The following LRIG1 variants were observed in gnomAD, a reference collection of about 807,000 sequenced individuals.
The protein encoded by LRIG1 is leucine-rich repeats and immunoglobulin-like domains protein 1.
A neutral mutation model predicts 99.2 loss-of-function variants in LRIG1; 48 were observed. The ratio of observed to expected loss-of-function variants is 0.48; its 90% CI spans 0.38 to 0.62. The LOEUF (loss-of-function observed/expected upper bound fraction) is 0.62, where lower values mean the gene tolerates loss of function less well. Among genes scored for constraint, LRIG1 ranks in the 20% least tolerant of loss-of-function variants. LRIG1 has a pLI of 0.00. For missense variants in LRIG1, 1,646 were observed against 1,434.4 expected, an observed-to-expected ratio of 1.15 and a Z score of -2.38; for synonymous variants, 772 against 596.1, an observed-to-expected ratio of 1.29 and a Z score of -4.30.
At chr3:66,381,119 G>C (rs1701032104) in intron 17 of LRIG1, among the ~76,000 whole-genome samples, 1 of 152,208 alleles carries the variant, frequency 6.6e-6, no homozygotes, top group African/African-American at 2.4e-5. Flanking sequence ...CGGGGGAAAA[G>C]CCATTAGCCT....
chr3:66,498,029 G>A (rs1438886566), intron 1 of LRIG1: 1 of 152,142 alleles, frequency 6.6e-6, no homozygotes, highest in Non-Finnish European at 1.5e-5. Flanking sequence ...GAAGTCTGAA[G>A]TCTAGAAAAA....
chr3:66,384,039 G>C lies in LRIG1; in HGVS notation c.2023C>G (p.Gln675Glu). 1 of 1,614,034 alleles carries C rather than the reference G, an allele frequency of 6.2e-7. No individual in the cohort carries two copies. The highest frequency in any genetic ancestry group is 8.5e-7 in the Non-Finnish European group (1 of 1,180,004). ...DDAGVYSCTA[Q>E]NSAGSISANA... ...GCTGAAATAGAACCGGCTGAGTTCTGAGCAGTACAGCTGTAAACCCCTGCG... is the reference window on the plus strand; with the variant it reads ...GCTGAAATAGAACCGGCTGAGTTCTCAGCAGTACAGCTGTAAACCCCTGCG... The change falls in exon 14 of 19, where the codon CAG (glutamine) becomes GAG (glutamate). Residue 675 changes from glutamine to glutamate, a missense_variant. By Grantham distance (29) the Gln-to-Glu change is conservative. Coordinates refer to ENST00000273261, the MANE Select transcript of LRIG1 (RefSeq NM_015541.3).
intron 1 of LRIG1, among the ~76,000 whole-genome samples, chr3:66,471,771 G>C (rs1405563906): frequency 6.6e-6 from 1 of 152,140 alleles, no homozygotes; most frequent in Non-Finnish European, 1.5e-5. Flanking sequence ...CTGAGAAAAA[G>C]GACACATTAA....
rs144948660 is a variant in LRIG1, at chr3:66,427,127, A to T, written c.366-9861T>A. Among the ~76,000 whole-genome samples the T allele has an allele frequency of 2.0e-5, 3 of 152,352 alleles. No individual in the cohort carries two copies. The East Asian group carries it at 5.8e-4, about 29-fold the overall frequency. ...ATTACCCCAACAAAGTGATCCTGGC[A>T]GACAGGTTTCATCAAACTCCACACC... is the stretch of plus-strand genomic sequence containing the variant. On this transcript the variant is annotated intron_variant, in intron 3 of 18. Transcript: ENST00000273261.
intron 2 of LRIG1, among the ~76,000 whole-genome samples, chr3:66,456,368 G>T (rs980219624): frequency 3.9e-5 from 6 of 152,114 alleles, no homozygotes; most frequent in African/African-American, 1.2e-4. Flanking sequence ...GATCATTTAA[G>T]CCCAGTAGTT....
chr3:66,480,895 TAGATTA>T (rs1423462476), intron 1 of LRIG1, among the ~76,000 whole-genome samples: 5 of 152,158 alleles, frequency 3.3e-5, no homozygotes, highest in East Asian at 1.9e-4. Context: ...ATAAATCAGT[TAGATTA>T]AGATTAAGAT....
At chr3:66,410,021 C>G (rs1702412429) in intron 7 of LRIG1, 108 bp downstream of exon 7, 6 of 1,234,578 alleles carry the variant, frequency 4.9e-6, no homozygotes, top group Non-Finnish European at 5.6e-6. Context: ...TGGCCTGTCT[C>G]TGAGCCCTCC....
rs1701243112 is a variant in LRIG1, at chr3:66,384,023, G to A, written c.2039C>T (p.Ser680Phe). The A allele has an allele frequency of 6.2e-7, 1 of 1,613,832 alleles. No homozygotes were observed. The highest frequency in any genetic ancestry group is 2.2e-5 in the East Asian group (1 of 44,872). The change falls in exon 14 of 19, where the codon TCT becomes TTT. Residue 680 changes from serine to phenylalanine, a missense_variant. Ser to Phe is a radical substitution (Grantham distance 155). Coordinates refer to ENST00000273261, the MANE Select transcript of LRIG1 (RefSeq NM_015541.3). ...AGTCAGGGTGGCATTAGCTGAAATA[G>A]AACCGGCTGAGTTCTGAGCAGTACA... Reference protein sequence around the residue: ...YSCTAQNSAGSISANATLTVL... With the variant: ...YSCTAQNSAGFISANATLTVL...
rs896963986 is a variant in LRIG1, at chr3:66,462,371, A to C, written c.290+67T>G. 12 of 1,179,060 alleles carry C rather than the reference A, an allele frequency of 1.0e-5. No individual in the cohort carries two copies. In the South Asian group the frequency reaches 1.1e-4, roughly 11 times the overall value. The allele number at this position is 1,179,060 out of a possible 1,614,324, so 73.0% of individuals were successfully genotyped here. A position where few individuals can be genotyped will look rare whatever the true frequency, so the allele number is the denominator to read the frequency against. ...ATCTAGGGGAGTGAGCGATGCTGCA[A>C]TACAAGAGGATTTTCCCAAAGAGCT... On this transcript the variant is annotated intron_variant, in intron 2 of 18. Coordinates refer to ENST00000273261, the MANE Select transcript of LRIG1 (RefSeq NM_015541.3).
chr3:66,406,908 C>T (rs1198508676), intron 8 of LRIG1, among the ~76,000 whole-genome samples: 1 of 152,226 alleles, frequency 6.6e-6, no homozygotes, highest in African/African-American at 2.4e-5. Flanking sequence ...GAGAGATGCA[C>T]TGCAGTATTC....
At position 66,415,431 on chromosome 3, in the gene LRIG1, G is replaced by A. The variant is rs553371313; in HGVS notation, c.504-368C>T. On this transcript the variant is annotated intron_variant, in intron 4 of 18. Transcript: ENST00000273261. ...TCACCACCCAGTGCCCAAGGTTGACGTGAAAACTCCTAGAAAGCAGAAAAT... is the reference window on the plus strand; with the variant it reads ...TCACCACCCAGTGCCCAAGGTTGACATGAAAACTCCTAGAAAGCAGAAAAT... 9.8e-5 allele frequency among the ~76,000 whole-genome samples: 15 copies of A among 152,302 alleles called. No homozygotes were observed. The East Asian group carries it at 2.1e-3, about 22-fold the overall frequency.
In LRIG1 at chr3:66,484,472, C is replaced by T. The variant is rs1700923786; in HGVS notation, c.218+15718G>A. ...CAGAATCCTCACGATGGGAATCTAA[C>T]TTAAAGGGAACGTCAGCCATGGTTT... On this transcript the variant is annotated intron_variant, in intron 1 of 18. Coordinates refer to ENST00000273261, the MANE Select transcript of LRIG1 (RefSeq NM_015541.3). 2.0e-5 allele frequency among the ~76,000 whole-genome samples: 3 copies of T among 152,142 alleles called. No individual in the cohort carries two copies. In the South Asian group the frequency reaches 6.2e-4, roughly 31 times the overall value.
intron 12 of LRIG1, among the ~76,000 whole-genome samples, chr3:66,393,683 A>C (rs886383842): frequency 1.3e-5 from 2 of 152,248 alleles, no homozygotes; most frequent in Non-Finnish European, 2.9e-5. Context: ...GGTCGGAAAG[A>C]AACACACATT....
intron 3 of LRIG1, among the ~76,000 whole-genome samples, chr3:66,441,337 T>C (rs776289063): frequency 3.3e-5 from 5 of 152,184 alleles, no homozygotes; most frequent in African/African-American, 4.8e-5. Context: ...CGGGGGCAGA[T>C]AGCCACTATC....
intron 1 of LRIG1, among the ~76,000 whole-genome samples, chr3:66,495,974 GTAAT>G (rs1701217982): frequency 1.3e-5 from 2 of 152,224 alleles, no homozygotes. Context: ...CCCAGGCAAA[GTAAT>G]TAACACTGGA....
chr3:66,472,400 C>T (rs1159930649), intron 1 of LRIG1, among the ~76,000 whole-genome samples: 3 of 151,204 alleles, frequency 2.0e-5, no homozygotes, highest in African/African-American at 7.3e-5. Flanking sequence ...CTGCCATGTG[C>T]CACACAACAG....
At chr3:66,472,995 A>T (rs1468203268) in intron 1 of LRIG1, among the ~76,000 whole-genome samples, 2 of 151,234 alleles carry the variant, frequency 1.3e-5, no homozygotes, top group South Asian at 2.1e-4. Flanking sequence ...TCAGAAGATT[A>T]AAAAAAAAGC....
chr3:66,396,936 C>G (rs1239648487), intron 11 of LRIG1, among the ~76,000 whole-genome samples: 1 of 152,154 alleles, frequency 6.6e-6, no homozygotes, highest in African/African-American at 2.4e-5. Flanking sequence ...CTCCCCTGCT[C>G]TGGAAGGAGA....
At chr3:66,461,222 T>C (rs1700347614) in intron 2 of LRIG1, among the ~76,000 whole-genome samples, 1 of 152,142 alleles carries the variant, frequency 6.6e-6, no homozygotes, top group South Asian at 2.1e-4. Context: ...TGAAAATCAC[T>C]TGAACCCGGG....
Sources: allele counts gnomAD v4.1 joint callset (sites outside exome capture counted in the v4.1 genomes callset), GRCh38; gene constraint gnomAD v4.1.1; transcripts MANE v1.5; gene names NCBI Gene and HGNC (gene_info 2026-07-23, HGNC 2026-07-21).